CA10: variants seen among roughly 807,000 people sequenced by gnomAD.
The protein encoded by CA10 is carbonic anhydrase-related protein 10.
Under a neutral mutation model 44.2 loss-of-function variants are expected in CA10, and 14 were observed. The observed-to-expected ratio is 0.32, with a 90% CI of 0.21 to 0.50. The LOEUF is 0.50. CA10 is among the 20% of genes least tolerant of loss of function. CA10 has a pLI of 0.99. For missense variants in CA10, 350 were observed against 409.7 expected (o/e 0.85, Z 1.26); for synonymous variants, 159 against 141.6 (o/e 1.12, Z -0.87).
intron 3 of CA10, among the ~76,000 whole-genome samples, chr17:51,918,815 T>C (rs986944044): frequency 2.0e-5 from 3 of 152,228 alleles, no homozygotes; most frequent in Non-Finnish European, 4.4e-5. Context: ...GGCCCTAGCA[T>C]ACTACAGAGC....
chr17:51,850,172 A>G (rs1280678180), intron 3 of CA10, among the ~76,000 whole-genome samples: 1 of 152,216 alleles, frequency 6.6e-6, no homozygotes, highest in Admixed American at 6.5e-5. Context: ...CTGCTCACAT[A>G]TATCAGTGTA....
rs35152422 is a variant in CA10, at chr17:51,654,558, ATTTTT to A, written c.466-827_466-823del. Among the ~76,000 whole-genome samples, 11 of 145,308 alleles carry A rather than the reference ATTTTT, an allele frequency of 7.6e-5. 1 individual carries two copies. The highest frequency in any genetic ancestry group is 1.5e-4 in the Non-Finnish European group (10 of 66,322). ...TTTTTCTTAACAGTATGGAAGCCTA[ATTTTT>A]TTTTTTTTTTTAAGTTGGAGTCTCG... On this transcript the variant is annotated intron_variant, in intron 4 of 8. Coordinates refer to ENST00000451037, the MANE Select transcript of CA10 (RefSeq NM_020178.5).
intron 4 of CA10, among the ~76,000 whole-genome samples, chr17:51,685,904 A>G (rs973913715): frequency 6.6e-6 from 1 of 152,228 alleles, no homozygotes; most frequent in Admixed American, 6.5e-5. Flanking sequence ...TCTGAGCTCA[A>G]TGCTGGCTGT....
intron 1 of CA10, among the ~76,000 whole-genome samples, chr17:52,135,721 G>T (rs187633844): frequency 6.6e-6 from 1 of 152,198 alleles, no homozygotes; most frequent in African/African-American, 2.4e-5. Flanking sequence ...TATGAATCTT[G>T]TCATTCTTCA....
Position 52,108,430 on chromosome 17 carries a change from G to A in CA10, c.62-36037C>T, listed in dbSNP as rs549108410. Among the ~76,000 whole-genome samples, 369 of 151,572 alleles carry A rather than the reference G, an allele frequency of 2.4e-3. 2 individuals are homozygous for A. Among genetic ancestry groups the A allele is most frequent in the African/African-American group, 8.4e-3 (350 of 41,448 alleles). On this transcript the variant is annotated intron_variant, in intron 1 of 8. Coordinates refer to ENST00000451037, the MANE Select transcript of CA10 (RefSeq NM_020178.5). ...AATGATGCCATGGGCCAGGCGCAGT[G>A]GCTCACGCCTGTAATCCCAGCACTT...
chr17:51,925,564 C>A (rs1387346829), intron 3 of CA10, among the ~76,000 whole-genome samples: 1 of 152,070 alleles, frequency 6.6e-6, no homozygotes, highest in African/African-American at 2.4e-5. Context: ...CATAGATATG[C>A]CCCAGTAATT....
chr17:51,974,756 G>T (rs1049906371), intron 2 of CA10, among the ~76,000 whole-genome samples: 15 of 152,082 alleles, frequency 9.9e-5, no homozygotes, highest in African/African-American at 3.4e-4. Context: ...GATAAGAGTT[G>T]TTGCTGACTT....
Position 52,123,995 on chromosome 17 carries a change from T to C in CA10, c.61+33731A>G, listed in dbSNP as rs115412552. Among the ~76,000 whole-genome samples, 338 of 152,336 alleles carry C rather than the reference T, an allele frequency of 2.2e-3. 5 individuals carry two copies. The highest frequency in any genetic ancestry group is 7.6e-3 in the African/African-American group (314 of 41,582). On this transcript the variant is annotated intron_variant, in intron 1 of 8. Transcript: ENST00000451037. ...ACCTCATTCATTCACACCTGTTGGC[T>C]AACAAATCAATGACATGTTCCACAG...
chr17:52,032,792 A>G (rs1418635755), intron 2 of CA10, among the ~76,000 whole-genome samples: 1 of 152,192 alleles, frequency 6.6e-6, no homozygotes, highest in Non-Finnish European at 1.5e-5. Flanking sequence ...AGGGAGAAAA[A>G]TGGGCCAACA....
rs574030644 is a variant in CA10, at chr17:51,712,137, A to G, written c.465+35496T>C. ...TGTTCACCTCTGAACATAATGGGTC[A>G]TCAACAAATGTGTGTTAAGTGAATA... On this transcript the variant is annotated intron_variant, in intron 4 of 8. Transcript: ENST00000451037. Among the ~76,000 whole-genome samples the G allele has an allele frequency of 3.3e-5, 5 of 152,368 alleles. No homozygotes were observed. In the South Asian group the frequency reaches 1.0e-3, roughly 32 times the overall value.
chr17:51,830,465 C>T (rs748806368), intron 3 of CA10, among the ~76,000 whole-genome samples: 1 of 151,852 alleles, frequency 6.6e-6, no homozygotes, highest in African/African-American at 2.4e-5. Flanking sequence ...TCCAGCCTTA[C>T]AATTCTATGC....
intron 2 of CA10, among the ~76,000 whole-genome samples, chr17:52,016,344 AT>A (rs1985967071): frequency 6.6e-6 from 1 of 152,150 alleles, no homozygotes; most frequent in South Asian, 2.1e-4. Flanking sequence ...CACACCCACC[AT>A]TTCATTAACT....
chr17:52,158,158 T>C lies in CA10; in HGVS notation c.-372A>G, dbSNP rs903026782. The C allele has an allele frequency of 8.4e-6, 3 of 359,010 alleles. No homozygotes were observed. Among genetic ancestry groups the C allele is most frequent in the Non-Finnish European group, 1.6e-5 (3 of 192,872 alleles). 22.2% of individuals were successfully genotyped at this position (359,010 alleles called of 1,614,324 possible). On this transcript the variant is annotated 5_prime_UTR_variant, in exon 1 of 9. Coordinates refer to ENST00000451037, the MANE Select transcript of CA10 (RefSeq NM_020178.5). ...CCTGAAGCCACCAACACTGGGCTCT[T>C]CCAGCAAAAACGAGACCCCGATTCG...
intron 2 of CA10, among the ~76,000 whole-genome samples, chr17:52,008,867 C>T (rs1838136585): frequency 1.3e-5 from 2 of 151,880 alleles, no homozygotes; most frequent in African/African-American, 4.8e-5. Context: ...CATTTTTCTG[C>T]CTTTCTTTGT....
chr17:51,831,690 G>GCAGCAGCAGCAGCATCAGCAT (rs1555604048), intron 3 of CA10, among the ~76,000 whole-genome samples: 7 of 81,202 alleles, frequency 8.6e-5, no homozygotes, highest in African/African-American at 2.6e-4. Flanking sequence ...AGCAGCAGCA[G>GCAGCAGCAGCAGCATCAGCAT]CAGCAGCAGC....
intron 2 of CA10, among the ~76,000 whole-genome samples, chr17:52,015,489 G>C (rs890308508): frequency 2.6e-5 from 4 of 152,110 alleles, no homozygotes; most frequent in South Asian, 2.1e-4. Context: ...TCCTAAGAAA[G>C]TTAATAGCTA....
chr17:51,660,641 A>G (rs1306828545), intron 4 of CA10, among the ~76,000 whole-genome samples: 1 of 152,198 alleles, frequency 6.6e-6, no homozygotes, highest in Non-Finnish European at 1.5e-5. Context: ...TCTCAGCGTG[A>G]TGCTCCATTA....
At chr17:51,720,240 A>G (rs1345391321) in intron 4 of CA10, among the ~76,000 whole-genome samples, 2 of 152,218 alleles carry the variant, frequency 1.3e-5, no homozygotes, top group African/African-American at 4.8e-5. Context: ...CCATCTTTGG[A>G]AACCTACTGC....
At chr17:52,056,895 G>T (rs1987244075) in intron 2 of CA10, among the ~76,000 whole-genome samples, 1 of 152,122 alleles carries the variant, frequency 6.6e-6, no homozygotes, top group South Asian at 2.1e-4. Flanking sequence ...TTCAAGCTCT[G>T]TTCTTTGTGT....
Sources: gnomAD v4.1 joint callset for allele counts (sites outside exome capture counted in the v4.1 genomes callset) on GRCh38, gnomAD v4.1.1 for gene constraint, MANE v1.5 for transcripts, NCBI Gene and HGNC (gene_info 2026-07-23, HGNC 2026-07-21) for gene names.